The following RASSF8 variants were observed in gnomAD, a reference collection of about 807,000 sequenced individuals.
RASSF8 encodes the protein ras association domain-containing protein 8.
A neutral mutation model predicts 48.5 loss-of-function variants in RASSF8; 22 were observed. The observed-to-expected ratio is 0.45, with a 90% confidence interval of 0.32 to 0.65. RASSF8 has a LOEUF of 0.65. Ranked by LOEUF, RASSF8 falls within the 30% of genes least tolerant of loss-of-function variation. The pLI, the probability that RASSF8 is intolerant of heterozygous loss-of-function variation, is 0.03. For missense variants in RASSF8, 418 were observed against 489.2 expected, an observed-to-expected ratio of 0.85 and a Z score of 1.37; for synonymous variants, 127 against 171.5, an observed-to-expected ratio of 0.74 and a Z score of 2.03.
intron 2 of RASSF8, among the ~76,000 whole-genome samples, chr12:25,996,938 T>A (rs974912447): frequency 6.6e-6 from 1 of 152,202 alleles, no homozygotes; most frequent in Non-Finnish European, 1.5e-5. Context: ...TCAGTATTGC[T>A]ACACTGTAAA....
chr12:26,019,601 G>C (rs1565621650), intron 2 of RASSF8, among the ~76,000 whole-genome samples: 5 of 136,476 alleles, frequency 3.7e-5, no homozygotes, highest in Admixed American at 7.5e-5. Context: ...GTGTGTGTGT[G>C]TGTCTGTGTG....
At chr12:26,041,596 G>A (rs1421149296) in intron 2 of RASSF8, among the ~76,000 whole-genome samples, 1 of 151,402 alleles carries the variant, frequency 6.6e-6, no homozygotes, top group Non-Finnish European at 1.5e-5. Flanking sequence ...AGAGTGGGGG[G>A]GTGTACACAC....
chr12:25,977,345 A>G (rs1040928601), intron 1 of RASSF8, among the ~76,000 whole-genome samples: 5 of 152,250 alleles, frequency 3.3e-5, no homozygotes, highest in Non-Finnish European at 7.3e-5. Flanking sequence ...ATTATGGGCT[A>G]TAACCGTGAC....
chr12:26,076,214 T>A (rs1210999126), downstream of RASSF8, among the ~76,000 whole-genome samples: 1 of 151,948 alleles, frequency 6.6e-6, no homozygotes, highest in South Asian at 2.1e-4. Flanking sequence ...CTGAACACAC[T>A]CTACACCAAT....
At chr12:25,993,918 C>T (rs1170568450) in intron 1 of RASSF8, among the ~76,000 whole-genome samples, 1 of 152,074 alleles carries the variant, frequency 6.6e-6, no homozygotes, top group Non-Finnish European at 1.5e-5. Context: ...AACTGTAACA[C>T]TATGTAAAAA....
chr12:26,053,171 G>A (rs2137228755), intron 2 of RASSF8, among the ~76,000 whole-genome samples: 1 of 127,124 alleles, frequency 7.9e-6, no homozygotes, highest in Admixed American at 7.8e-5. Context: ...TAGATCTTAT[G>A]TTTTCTTCCA....
At chr12:26,062,132 C>T (rs990514883) in intron 3 of RASSF8, among the ~76,000 whole-genome samples, 1 of 152,136 alleles carries the variant, frequency 6.6e-6, no homozygotes, top group Non-Finnish European at 1.5e-5. Context: ...TTATCTAACC[C>T]CTCCTGTTAC....
chr12:25,964,289 GTTTTT>G (rs201799456), intron 1 of RASSF8, among the ~76,000 whole-genome samples: 1 of 139,020 alleles, frequency 7.2e-6, no homozygotes, highest in Admixed American at 7.2e-5. Context: ...CTTAGCAAGT[GTTTTT>G]TTTTTTTTTT....
chr12:25,977,778 C>T (rs145633374), intron 1 of RASSF8, among the ~76,000 whole-genome samples: 28 of 152,200 alleles, frequency 1.8e-4, no homozygotes, highest in Non-Finnish European at 8.8e-5. Context: ...GGTTGTAAGG[C>T]AGCTACAGTA....
At chr12:26,029,807 G>A (rs1942991310) in intron 2 of RASSF8, among the ~76,000 whole-genome samples, 1 of 152,104 alleles carries the variant, frequency 6.6e-6, no homozygotes, top group South Asian at 2.1e-4. Context: ...CTCAAACTAT[G>A]ACGTCCGAGT....
intron 3 of RASSF8, among the ~76,000 whole-genome samples, chr12:26,058,532 GCGCGCGCA>G (rs1182523859): frequency 3.3e-5 from 2 of 61,218 alleles, no homozygotes; most frequent in African/African-American, 1.0e-4. Context: ...ATGCGCACGC[GCGCGCGCA>G]CACACACACA....
At chr12:25,979,949 A>G (rs565333863) in intron 1 of RASSF8, among the ~76,000 whole-genome samples, 1 of 152,294 alleles carries the variant, frequency 6.6e-6, no homozygotes, top group East Asian at 1.9e-4. Flanking sequence ...TACTGTTGGA[A>G]GAGGAAGGGA....
intron 1 of RASSF8, among the ~76,000 whole-genome samples, chr12:25,984,224 C>CTT (rs57275940): frequency 1.7e-3 from 148 of 86,698 alleles, no homozygotes; most frequent in South Asian, 3.2e-3. Flanking sequence ...CTACACGTAG[C>CTT]TTTTTTTTTT....
intron 1 of RASSF8, among the ~76,000 whole-genome samples, chr12:25,977,614 A>G (rs1353915190): frequency 6.6e-6 from 1 of 152,012 alleles, no homozygotes; most frequent in Non-Finnish European, 1.5e-5. Context: ...AATTTAGTGA[A>G]TTTAGTTGGC....
At chr12:25,982,523 A>G (rs1224383387) in intron 1 of RASSF8, among the ~76,000 whole-genome samples, 1 of 152,224 alleles carries the variant, frequency 6.6e-6, no homozygotes, top group South Asian at 2.1e-4. Flanking sequence ...ATTATGTAAG[A>G]TGTATCCCTA....
At chr12:26,036,761 A>T (rs956048106) in intron 2 of RASSF8, among the ~76,000 whole-genome samples, 2 of 151,902 alleles carry the variant, frequency 1.3e-5, no homozygotes, top group Admixed American at 6.6e-5. Flanking sequence ...AATAAAAAAT[A>T]AAAAAATAAA....
chr12:25,983,102 G>C (rs1941782280), intron 1 of RASSF8, among the ~76,000 whole-genome samples: 1 of 152,166 alleles, frequency 6.6e-6, no homozygotes, highest in Admixed American at 6.5e-5. Flanking sequence ...ATCATCGATA[G>C]AACCAGCCAA....
chr12:25,980,983 G>C (rs571283753), intron 1 of RASSF8, among the ~76,000 whole-genome samples: 14 of 152,258 alleles, frequency 9.2e-5, no homozygotes, highest in Admixed American at 7.2e-4. Flanking sequence ...CAATGGGTGG[G>C]TACTTTTTAT....
chr12:25,994,434 G>T (rs1419210747), intron 1 of RASSF8, among the ~76,000 whole-genome samples: 2 of 152,136 alleles, frequency 1.3e-5, no homozygotes, highest in Admixed American at 1.3e-4. Context: ...TCTTCCTTGG[G>T]CTTTCTTTAT....
Sources: allele counts gnomAD v4.1 joint callset (sites outside exome capture counted in the v4.1 genomes callset), GRCh38; gene constraint gnomAD v4.1.1; transcripts MANE v1.5; gene names NCBI Gene and HGNC (gene_info 2026-07-23, HGNC 2026-07-21).